The following COPS8 variants were observed in gnomAD, a reference collection of about 807,000 sequenced individuals.
COPS8 encodes COP9 signalosome complex subunit 8.
COPS8 carries 11 observed loss-of-function variants against 31.5 expected under a neutral mutation model. The observed-to-expected ratio is 0.35, with a 90% confidence interval of 0.22 to 0.58. COPS8 has a LOEUF of 0.58. Ranked by LOEUF, COPS8 falls within the 20% of genes least tolerant of loss-of-function variation. COPS8 has a pLI of 0.83. For missense variants in COPS8, 215 were observed against 255.1 expected, an observed-to-expected ratio of 0.84 and a Z score of 1.07; for synonymous variants, 81 against 89.3, an observed-to-expected ratio of 0.91 and a Z score of 0.52.
chr2:237,089,755 G>C, intron 3 of COPS8, 107 bp from the exon 4 acceptor site: 1 of 1,081,032 alleles, frequency 9.3e-7, no homozygotes, highest in Non-Finnish European at 1.3e-6. Context: ...AGGTTTTAAT[G>C]ATGTAGCTAA....
At chr2:237,096,596 G>A (rs1265964978) in intron 6 of COPS8, 5 of 586,988 alleles carry the variant, frequency 8.5e-6, no homozygotes, top group African/African-American at 1.9e-5. Context: ...GATTCTCAAT[G>A]TGCTCAGCCC....
At chr2:237,095,108 A>G (rs1696775747) in intron 5 of COPS8, among the ~76,000 whole-genome samples, 1 of 152,188 alleles carries the variant, frequency 6.6e-6, no homozygotes, top group African/African-American at 2.4e-5. Flanking sequence ...ATACATGAAG[A>G]TAGGTTAATG....
intron 5 of COPS8, 31 bp from the exon 6 acceptor site, chr2:237,095,791 C>T: frequency 6.7e-7 from 1 of 1,483,280 alleles, no homozygotes; most frequent in Non-Finnish European, 9.4e-7. Flanking sequence ...TTTATTCTTT[C>T]CGGATCTTTA....
chr2:237,090,242 GT>G (rs960578402), intron 4 of COPS8, among the ~76,000 whole-genome samples: 10 of 151,938 alleles, frequency 6.6e-5, no homozygotes, highest in Non-Finnish European at 8.8e-5. Context: ...AGTTTTAAGA[GT>G]TTTTTTTGCT....
chr2:237,086,336 C>G (rs1574834798), intron 1 of COPS8, among the ~76,000 whole-genome samples: 1 of 152,250 alleles, frequency 6.6e-6, no homozygotes, highest in East Asian at 1.9e-4. Flanking sequence ...ATCTTTCCTT[C>G]CCAGTATCGG....
intron 4 of COPS8, among the ~76,000 whole-genome samples, chr2:237,090,988 A>G (rs1401416167): frequency 6.6e-6 from 1 of 152,196 alleles, no homozygotes; most frequent in Non-Finnish European, 1.5e-5. Flanking sequence ...AATTAGCGTT[A>G]TAGTGGACTT....
rs111547596 is a variant in COPS8, at chr2:237,092,962, G to A, written c.332-1128G>A. On this transcript the variant is annotated intron_variant, in intron 4 of 7. Transcript: ENST00000354371. The stretch of plus-strand genomic sequence containing the variant: ...AAGAGATACCCCTTCCTGTCGAGAA[G>A]TTTGGAATATAATTGAAAAGAAGGG... Among the ~76,000 whole-genome samples, 246 of 152,312 alleles carry A rather than the reference G, an allele frequency of 1.6e-3. 3 individuals carry two copies. Among genetic ancestry groups the A allele is most frequent in the East Asian group, 0.013 (67 of 5,186 alleles).
chr2:237,095,784 A>G (rs1696788714), intron 5 of COPS8, 38 bp from the exon 6 acceptor site: 1 of 1,424,356 alleles, frequency 7.0e-7, no homozygotes, highest in Non-Finnish European at 9.9e-7. Context: ...GGGGTGTTTT[A>G]TTCTTTCCGG....
chr2:237,096,284 G>C (rs1043488375), intron 6 of COPS8, among the ~76,000 whole-genome samples: 4 of 152,022 alleles, frequency 2.6e-5, no homozygotes, highest in African/African-American at 9.7e-5. Context: ...TTTTCCTGTG[G>C]CTTCCACTTT....
chr2:237,097,927 AGTT>A lies in COPS8; in HGVS notation c.*190_*192del, dbSNP rs761533349. The A allele has an allele frequency of 2.1e-6, 1 of 472,444 alleles. No individual in the cohort carries two copies. The highest frequency in any genetic ancestry group is 3.8e-6 in the Non-Finnish European group (1 of 264,974). 29.3% of individuals were successfully genotyped at this position (472,444 alleles called of 1,614,324 possible). On this transcript the variant is annotated 3_prime_UTR_variant, in exon 8 of 8. Coordinates refer to ENST00000354371, the MANE Select transcript of COPS8 (RefSeq NM_006710.5). ...TTTGTCCATAAACGTTATGCTGAATAGTTGTTGAAACAGTTCTCATTTTGTAGT... is the reference window on the plus strand; with the variant it reads ...TTTGTCCATAAACGTTATGCTGAATAGTTGAAACAGTTCTCATTTTGTAGT...
chr2:237,086,244 G>A lies in COPS8; in HGVS notation c.78+202G>A, dbSNP rs1696609535. On this transcript the variant is annotated intron_variant, in intron 1 of 7. Transcript: ENST00000354371. The stretch of plus-strand genomic sequence containing the variant: ...TCCCCGAACTCGCCGGGACCTTTTT[G>A]TTATGTGTCTTCAGCTTGTGAGCCC... Among the ~76,000 whole-genome samples the A allele has an allele frequency of 3.3e-5, 5 of 152,106 alleles. No homozygotes were observed. In the South Asian group the frequency reaches 8.3e-4, roughly 25 times the overall value.
Position 237,089,938 on chromosome 2 carries a change from C to T in COPS8, c.275C>T (p.Thr92Ile), listed in dbSNP as rs1397583681. The T allele has an allele frequency of 1.9e-6, 3 of 1,613,936 alleles. No homozygotes were observed. Among genetic ancestry groups the T allele is most frequent in the South Asian group, 1.1e-5 (1 of 91,068 alleles). The part of the protein sequence containing the change: ...WQRDFPGIYT[T>I]INAHQWSETV... ...AGAGATTTCCCTGGGATCTATACAACCATCAACGCTCACCAGTGGTCTGAG... is the reference window on the plus strand; with the variant it reads ...AGAGATTTCCCTGGGATCTATACAATCATCAACGCTCACCAGTGGTCTGAG... The change falls in exon 4 of 8, where the codon ACC (threonine) becomes ATC (isoleucine). Residue 92 changes from threonine to isoleucine, a missense_variant. Transcript: ENST00000354371.
At position 237,089,114 on chromosome 2, in the gene COPS8, A is replaced by G. The variant is rs1696665682; in HGVS notation, c.198+461A>G. Among the ~76,000 whole-genome samples, 2 of 152,212 alleles carry G rather than the reference A, an allele frequency of 1.3e-5. 1 individual carries two copies. Among genetic ancestry groups the G allele is most frequent in the South Asian group, 4.1e-4 (2 of 4,826 alleles). On this transcript the variant is annotated intron_variant, in intron 3 of 7. Transcript: ENST00000354371. ...TATTTTGGTTGGGAGATTAGAAGAA[A>G]TAGCCTGTGAAAAGGTTCTTCCAAA... is the stretch of plus-strand genomic sequence containing the variant.
At chr2:237,097,378 A>T (rs990569006) in intron 7 of COPS8, among the ~76,000 whole-genome samples, 1 of 152,156 alleles carries the variant, frequency 6.6e-6, no homozygotes, top group Admixed American at 6.5e-5. Context: ...GTTGCATGAT[A>T]AAAGTGTCTT....
intron 4 of COPS8, among the ~76,000 whole-genome samples, chr2:237,090,716 T>C (rs776315886): frequency 1.2e-4 from 18 of 152,154 alleles, no homozygotes; most frequent in Non-Finnish European, 2.6e-4. Flanking sequence ...CTAAGGGATA[T>C]CAGCTTTACA....
At position 237,098,820 on chromosome 2, in the gene COPS8, A is replaced by G. The variant is rs1045592651; in HGVS notation, c.*1078A>G. ...AGTTGTATGGTGAATCTGTGTAGTGATAATTATATAATTTATTTATTTTGA... is the reference window on the plus strand; with the variant it reads ...AGTTGTATGGTGAATCTGTGTAGTGGTAATTATATAATTTATTTATTTTGA... On this transcript the variant is annotated 3_prime_UTR_variant, in exon 8 of 8. Transcript: ENST00000354371. 1.3e-5 allele frequency: 2 copies of G among 152,186 alleles called. No homozygotes were observed. Among genetic ancestry groups the G allele is most frequent in the Admixed American group, 1.3e-4 (2 of 15,268 alleles). 9.4% of individuals were successfully genotyped at this position (152,186 alleles called of 1,614,324 possible). A position where few individuals can be genotyped will look rare whatever the true frequency, so the allele number is the denominator to read the frequency against.
In COPS8 at chr2:237,087,111, A is replaced by C; in HGVS notation, c.79-16A>C. The stretch of plus-strand genomic sequence containing the variant: ...TTTTGTGTTGTTTTGTTTTGTTTTC[A>C]TTTTTGGCCTTCTAGGCCCCTGGAG... On this transcript the variant is annotated splice_polypyrimidine_tract_variant and intron_variant, in intron 1 of 7. Coordinates refer to ENST00000354371, the MANE Select transcript of COPS8 (RefSeq NM_006710.5). The C allele has an allele frequency of 2.6e-6, 4 of 1,522,650 alleles. No homozygotes were observed. Among genetic ancestry groups the C allele is most frequent in the Non-Finnish European group, 3.6e-6 (4 of 1,120,700 alleles). 94.3% of individuals were successfully genotyped at this position (1,522,650 alleles called of 1,614,324 possible).
Position 237,085,911 on chromosome 2 carries a change from G to T in COPS8, c.-54G>T. The T allele has an allele frequency of 6.4e-7, 1 of 1,558,298 alleles. No homozygotes were observed. Among genetic ancestry groups the T allele is most frequent in the Non-Finnish European group, 8.8e-7 (1 of 1,138,806 alleles). On this transcript the variant is annotated 5_prime_UTR_variant, in exon 1 of 8. Transcript: ENST00000354371. ...GTCATCGCGGGCGCGACGCCTGAGG[G>T]ACAGTCTGGGGTTTGGCTGTCCGGA...
At chr2:237,093,832 CT>C in intron 4 of COPS8, 4 of 1,119,382 alleles carry the variant, frequency 3.6e-6, no homozygotes, top group South Asian at 3.9e-5. Flanking sequence ...GTTTAGTAAC[CT>C]TTTTCCATCT....
Sources: allele counts gnomAD v4.1 joint callset (sites outside exome capture counted in the v4.1 genomes callset), GRCh38; gene constraint gnomAD v4.1.1; transcripts MANE v1.5; gene names NCBI Gene and HGNC (gene_info 2026-07-23, HGNC 2026-07-21).